Variants in STXBP5L observed in about 807,000 individuals in gnomAD.
STXBP5L encodes syntaxin binding protein 5L.
STXBP5L carries 65 observed loss-of-function variants against 144.5 expected under a neutral mutation model. That is an observed-to-expected ratio of 0.45 (90% CI 0.37 to 0.55). The LOEUF (loss-of-function observed/expected upper bound fraction) is 0.55, where lower values mean the gene tolerates loss of function less well. STXBP5L is among the 20% of genes least tolerant of loss of function. The probability of loss-of-function intolerance (pLI) is 0.00; values close to 1 mark genes in which losing one functional copy is unlikely to be tolerated. For missense variants in STXBP5L, 1,298 were observed against 1,405.5 expected (o/e 0.92, Z 1.22); for synonymous variants, 505 against 469.6 (o/e 1.08, Z -0.97).
chr3:121,301,138 A>G (rs564650666), intron 19 of STXBP5L, among the ~76,000 whole-genome samples: 108 of 152,322 alleles, frequency 7.1e-4, no homozygotes, highest in Non-Finnish European at 1.1e-3. Flanking sequence ...TACCTTGGGC[A>G]GTATGGCCAT....
At chr3:121,201,618 A>G (rs929730186) in intron 9 of STXBP5L, among the ~76,000 whole-genome samples, 3 of 147,882 alleles carry the variant, frequency 2.0e-5, no homozygotes, top group African/African-American at 7.4e-5. Flanking sequence ...ATTGGTCTTT[A>G]TATTTTTGTA....
At chr3:120,983,591 C>T (rs961573368) in intron 3 of STXBP5L, among the ~76,000 whole-genome samples, 5 of 152,092 alleles carry the variant, frequency 3.3e-5, no homozygotes, top group African/African-American at 1.2e-4. Flanking sequence ...TCGAAAATGC[C>T]TTTGTGTAAT....
intron 2 of STXBP5L, among the ~76,000 whole-genome samples, chr3:120,934,562 G>T (rs539888951): frequency 6.6e-6 from 1 of 152,108 alleles, no homozygotes; most frequent in African/African-American, 2.4e-5. Context: ...TTTTTGGCCT[G>T]TGAGATCTGT....
chr3:121,122,618 A>C (rs1046180851), intron 7 of STXBP5L, among the ~76,000 whole-genome samples: 1 of 151,538 alleles, frequency 6.6e-6, no homozygotes, highest in Non-Finnish European at 1.5e-5. Flanking sequence ...CTGAGGACAT[A>C]ATTAGCTATT....
intron 20 of STXBP5L, chr3:121,357,340 T>G (rs1328787514): frequency 1.9e-5 from 3 of 160,798 alleles, no homozygotes; most frequent in African/African-American, 7.2e-5. Flanking sequence ...AAATGAATAG[T>G]GGATAAGCAA....
At chr3:120,913,119 A>G (rs1238289391) in intron 2 of STXBP5L, among the ~76,000 whole-genome samples, 1 of 151,960 alleles carries the variant, frequency 6.6e-6, no homozygotes, top group Non-Finnish European at 1.5e-5. Context: ...AGCATCTGGC[A>G]TATACCTATA....
intron 21 of STXBP5L, among the ~76,000 whole-genome samples, chr3:121,380,466 C>T (rs1425716559): frequency 6.6e-6 from 1 of 152,114 alleles, no homozygotes; most frequent in Non-Finnish European, 1.5e-5. Context: ...ATCTGAAGAA[C>T]TTGTACTCTG....
At chr3:121,238,049 T>G (rs1198762054) in intron 12 of STXBP5L, among the ~76,000 whole-genome samples, 1 of 152,190 alleles carries the variant, frequency 6.6e-6, no homozygotes, top group African/African-American at 2.4e-5. Flanking sequence ...TCTTCCAACC[T>G]CTACCCATCA....
At chr3:121,375,522 T>C (rs1214446572) in intron 20 of STXBP5L, among the ~76,000 whole-genome samples, 3 of 152,220 alleles carry the variant, frequency 2.0e-5, no homozygotes, top group Non-Finnish European at 4.4e-5. Flanking sequence ...TGATTTTTTC[T>C]GAGCTTTAGT....
chr3:121,195,498 G>C (rs1164886052), intron 9 of STXBP5L, among the ~76,000 whole-genome samples: 2 of 151,914 alleles, frequency 1.3e-5, no homozygotes, highest in Non-Finnish European at 2.9e-5. Context: ...TTCCACTTTT[G>C]CATATGTGAG....
At chr3:121,151,495 A>G (rs2045930103) in intron 7 of STXBP5L, among the ~76,000 whole-genome samples, 1 of 152,166 alleles carries the variant, frequency 6.6e-6, no homozygotes, top group Non-Finnish European at 1.5e-5. Context: ...AGATGTCGAG[A>G]TAAGTGATAA....
chr3:121,093,835 T>G lies in STXBP5L; in HGVS notation c.471-21090T>G, dbSNP rs896442386. On this transcript the variant is annotated intron_variant, in intron 5 of 26. Transcript: ENST00000471454. ...CTAGCTTTTGAATGTGTTTGCTCTTTCTTTTCTAGTTCTTTTAATTGTGAT... is the reference window on the plus strand; with the variant it reads ...CTAGCTTTTGAATGTGTTTGCTCTTGCTTTTCTAGTTCTTTTAATTGTGAT... Among the ~76,000 whole-genome samples, 35 of 152,212 alleles carry G rather than the reference T, an allele frequency of 2.3e-4. No homozygotes were observed. The East Asian group carries it at 2.5e-3, about 11-fold the overall frequency.
chr3:121,337,109 G>A (rs771750009), intron 20 of STXBP5L, among the ~76,000 whole-genome samples: 4 of 152,102 alleles, frequency 2.6e-5, no homozygotes, highest in Non-Finnish European at 4.4e-5. Flanking sequence ...GTGGTGGGTG[G>A]GAGGAGGGAG....
At chr3:121,205,323 G>A (rs2048296568) in intron 9 of STXBP5L, among the ~76,000 whole-genome samples, 1 of 152,180 alleles carries the variant, frequency 6.6e-6, no homozygotes. Context: ...GGTATCACAT[G>A]TTGAGAGATG....
chr3:121,184,323 G>A (rs1015620129), intron 9 of STXBP5L, among the ~76,000 whole-genome samples: 8 of 21,712 alleles, frequency 3.7e-4, no homozygotes, highest in African/African-American at 4.8e-4. Flanking sequence ...CTTGAAAAAA[G>A]TTAGAGAAAT....
At chr3:121,018,930 G>T (rs1286600496) in intron 3 of STXBP5L, among the ~76,000 whole-genome samples, 1 of 152,164 alleles carries the variant, frequency 6.6e-6, no homozygotes, top group African/African-American at 2.4e-5. Flanking sequence ...CCAAGAAACC[G>T]TGAGCCTGCT....
At chr3:121,247,444 G>T (rs1297555835) in intron 14 of STXBP5L, among the ~76,000 whole-genome samples, 1 of 152,140 alleles carries the variant, frequency 6.6e-6, no homozygotes, top group African/African-American at 2.4e-5. Context: ...ATACCCAATA[G>T]GTAGTTTTCA....
intron 19 of STXBP5L, among the ~76,000 whole-genome samples, chr3:121,285,181 T>C (rs1420084593): frequency 3.3e-5 from 5 of 152,058 alleles, no homozygotes; most frequent in Admixed American, 6.6e-5. Context: ...CTAGTCAGTT[T>C]GACTCAGTGT....
At chr3:121,328,963 AAAAAAAGAACTAATC>A (rs1353684692) in intron 20 of STXBP5L, among the ~76,000 whole-genome samples, 3 of 151,994 alleles carry the variant, frequency 2.0e-5, no homozygotes, top group African/African-American at 7.2e-5. Context: ...TTAATTACTT[AAAAAAAGAACTAATC>A]ATAATCACCT....
Sources: gnomAD v4.1 joint callset for allele counts (sites outside exome capture counted in the v4.1 genomes callset) on GRCh38, gnomAD v4.1.1 for gene constraint, MANE v1.5 for transcripts, NCBI Gene and HGNC (gene_info 2026-07-23, HGNC 2026-07-21) for gene names.